KIZ: variants seen among roughly 807,000 people sequenced by gnomAD.
KIZ encodes centrosomal protein kizuna.
KIZ carries 68 observed loss-of-function variants against 79.6 expected under a neutral mutation model. That is an observed-to-expected ratio of 0.85 (90% CI 0.70 to 1.05). The LOEUF is 1.05. Ranked by LOEUF, KIZ falls within the 50% of genes least tolerant of loss-of-function variation. The pLI is 0.00. For synonymous variants in KIZ, 280 were observed against 281.8 expected (o/e 0.99, Z 0.06); for missense variants, 797 against 800.4 (o/e 1.00, Z 0.05).
intron 1 of KIZ, among the ~76,000 whole-genome samples, chr20:21,130,115 C>T (rs116583799): frequency 2.4e-3 from 367 of 152,144 alleles, no homozygotes; most frequent in African/African-American, 8.4e-3. Flanking sequence ...TTTTTTTTCC[C>T]CCTGGTCCAG....
At chr20:21,239,203 C>A (rs1464476159) in intron 11 of KIZ, among the ~76,000 whole-genome samples, 1 of 152,224 alleles carries the variant, frequency 6.6e-6, no homozygotes, top group African/African-American at 2.4e-5. Flanking sequence ...AGGGAACTTG[C>A]CCAGGATCAT....
chr20:21,244,401 A>G, intron 12 of KIZ, 113 bp downstream of exon 12: 3 of 749,668 alleles, frequency 4.0e-6, no homozygotes, highest in Non-Finnish European at 7.0e-6. Context: ...GCATGCTCAC[A>G]GGGACTGCCA....
chr20:21,213,891 C>T (rs1469843537), intron 7 of KIZ: 3 of 152,206 alleles, frequency 2.0e-5, no homozygotes, highest in Admixed American at 6.5e-5. Flanking sequence ...TGAGTTTCCC[C>T]AGATCCCCAG....
chr20:21,156,688 G>A (rs2033398134), intron 4 of KIZ, among the ~76,000 whole-genome samples: 1 of 152,128 alleles, frequency 6.6e-6, no homozygotes, highest in Non-Finnish European at 1.5e-5. Context: ...TTCTGATCAT[G>A]AACTGTGCTC....
intron 10 of KIZ, among the ~76,000 whole-genome samples, chr20:21,230,848 G>A (rs1312323999): frequency 6.6e-6 from 1 of 152,170 alleles, no homozygotes; most frequent in African/African-American, 2.4e-5. Flanking sequence ...TTGAGTCATG[G>A]AATTTGAATC....
intron 3 of KIZ, among the ~76,000 whole-genome samples, chr20:21,137,514 T>C (rs986970690): frequency 6.6e-6 from 1 of 151,976 alleles, no homozygotes; most frequent in Admixed American, 6.6e-5. Context: ...CTTCAGCCTT[T>C]TATTGTAAAA....
At chr20:21,233,031 T>C in intron 11 of KIZ, 1 of 561,184 alleles carries the variant, frequency 1.8e-6, no homozygotes, top group East Asian at 3.0e-5. Flanking sequence ...GTTTTGCAGC[T>C]GTTGTTTCCT....
At chr20:21,173,577 CAAAAAAAA>C (rs749330317) in intron 6 of KIZ, among the ~76,000 whole-genome samples, 1 of 37,328 alleles carries the variant, frequency 2.7e-5, no homozygotes, top group African/African-American at 6.7e-5. Context: ...GATGCCGTCT[CAAAAAAAA>C]AAAAAAAAAA....
intron 7 of KIZ, among the ~76,000 whole-genome samples, chr20:21,211,266 C>T (rs879650623): frequency 3.9e-5 from 6 of 152,170 alleles, no homozygotes; most frequent in South Asian, 2.1e-4. Context: ...ACTCATAGAA[C>T]GATTTATCTG....
intron 6 of KIZ, among the ~76,000 whole-genome samples, chr20:21,200,072 C>A (rs1322971490): frequency 6.6e-6 from 1 of 152,208 alleles, no homozygotes; most frequent in African/African-American, 2.4e-5. Context: ...CTGCCCACCT[C>A]TGCCTCCCAA....
At chr20:21,186,286 T>G (rs16982555) in intron 6 of KIZ, among the ~76,000 whole-genome samples, 2,202 of 152,136 alleles carry the variant, frequency 0.014, 48 homozygotes, top group African/African-American at 0.05. Context: ...TGAGACTGAT[T>G]ATCCTTACTG....
At chr20:21,176,096 G>A (rs1568946891) in intron 6 of KIZ, among the ~76,000 whole-genome samples, 2 of 152,150 alleles carry the variant, frequency 1.3e-5, no homozygotes. Context: ...GATCACCTGA[G>A]GTCAGGAGTT....
chr20:21,171,872 G>A (rs1271350115), intron 6 of KIZ, among the ~76,000 whole-genome samples: 1 of 152,234 alleles, frequency 6.6e-6, no homozygotes, highest in African/African-American at 2.4e-5. Flanking sequence ...CTAGGCAGCT[G>A]TGCTGAAGAA....
In KIZ at chr20:21,141,823, A is replaced by ACTCTCTCTCTCTCT. The variant is rs1229173337; in HGVS notation, c.316-3729_316-3716dup. On this transcript the variant is annotated intron_variant, in intron 3 of 12. Transcript: ENST00000619189. ...AACACACACACACACACACACACAC[A>ACTCTCTCTCTCTCT]CTCTCTCTCTCTCTCTCTCTCTCTC... Among the ~76,000 whole-genome samples, 4 of 103,940 alleles carry ACTCTCTCTCTCTCT rather than the reference A, an allele frequency of 3.8e-5. No homozygotes were observed. In the Admixed American group the frequency reaches 4.1e-4, roughly 11 times the overall value. The allele number at this position is 103,940 out of a possible 152,430, so 68.2% of individuals were successfully genotyped here. A position where few individuals can be genotyped will look rare whatever the true frequency, so the allele number is the denominator to read the frequency against.
intron 3 of KIZ, among the ~76,000 whole-genome samples, chr20:21,139,868 A>T (rs1009429051): frequency 6.6e-6 from 1 of 152,194 alleles, no homozygotes; most frequent in African/African-American, 2.4e-5. Flanking sequence ...TGAATTTTGG[A>T]TAAGGAATGC....
rs6137271 is a variant in KIZ at position 21,152,536 on chromosome 20, T to C, written c.405+6882T>C. ...GAGAGTTTTATCCTGAGTTACCCTA[T>C]TTGGGGATGGTGGAGCATATACAGG... On this transcript the variant is annotated intron_variant, in intron 4 of 12. Coordinates refer to ENST00000619189, the MANE Select transcript of KIZ (RefSeq NM_018474.6). Among the ~76,000 whole-genome samples, 1,109 of 152,260 alleles carry C rather than the reference T, an allele frequency of 7.3e-3. 79 individuals carry two copies. The East Asian group carries it at 0.19, about 26-fold the overall frequency.
intron 4 of KIZ, among the ~76,000 whole-genome samples, chr20:21,154,372 C>T (rs2033270461): frequency 6.6e-6 from 1 of 152,140 alleles, no homozygotes; most frequent in Admixed American, 6.5e-5. Context: ...TATGCTCACT[C>T]CTCTTCTTTC....
intron 6 of KIZ, among the ~76,000 whole-genome samples, chr20:21,199,784 G>C (rs1247821128): frequency 6.6e-6 from 1 of 152,132 alleles, no homozygotes; most frequent in Non-Finnish European, 1.5e-5. Context: ...ATTTATTCTT[G>C]TTCTTTAATG....
rs548604841 is a variant in KIZ, at chr20:21,160,228, A to G, written c.406-1643A>G. Among the ~76,000 whole-genome samples the G allele has an allele frequency of 1.5e-4, 23 of 152,222 alleles. 1 individual carries two copies. Among genetic ancestry groups the G allele is most frequent in the Admixed American group, 3.3e-4 (5 of 15,292 alleles). On this transcript the variant is annotated intron_variant, in intron 4 of 12. Transcript: ENST00000619189. The stretch of plus-strand genomic sequence containing the variant: ...GACCACTTCCCTATGGGACAGCTGG[A>G]TGCAGCCTGCTTGACAGGCCCTTCT...
Sources: gnomAD v4.1 joint callset for allele counts (sites outside exome capture counted in the v4.1 genomes callset) on GRCh38, gnomAD v4.1.1 for gene constraint, MANE v1.5 for transcripts, NCBI Gene and HGNC (gene_info 2026-07-23, HGNC 2026-07-21) for gene names.